RBM6: variants seen among roughly 807,000 people sequenced by gnomAD.
The protein encoded by RBM6 is RNA-binding protein 6.
RBM6 carries 23 observed loss-of-function variants against 140.4 expected under a neutral mutation model. The ratio of observed to expected loss-of-function variants is 0.16; its 90% CI spans 0.12 to 0.23. RBM6 has a LOEUF of 0.23. RBM6 is among the 10% of genes least tolerant of loss of function. RBM6 has a pLI of 1.00. For synonymous variants in RBM6, 439 were observed against 475.6 expected (o/e 0.92, Z 1.00); for missense variants, 1,139 against 1,386.7 (o/e 0.82, Z 2.84).
intron 5 of RBM6, among the ~76,000 whole-genome samples, chr3:49,989,234 C>T (rs1253037537): frequency 6.6e-6 from 1 of 152,142 alleles, no homozygotes; most frequent in East Asian, 1.9e-4. Flanking sequence ...GTACTCCATG[C>T]TACAGAAGTT....
At chr3:50,040,154 T>C (rs1575777862) in intron 6 of RBM6, among the ~76,000 whole-genome samples, 3 of 152,148 alleles carry the variant, frequency 2.0e-5, no homozygotes, top group East Asian at 1.9e-4. Context: ...CTTTAAAATA[T>C]TTAAGTTCTC....
rs762803109 is a variant in RBM6 at position 50,066,250 on chromosome 3, G to A, written c.2691G>A (p.Val897=). 1 of 1,613,638 alleles carries A rather than the reference G, an allele frequency of 6.2e-7. No individual in the cohort carries two copies. Among genetic ancestry groups the A allele is most frequent in the East Asian group, 2.2e-5 (1 of 44,880 alleles). The change falls in exon 17 of 21, where the codon GTG becomes GTA. Residue 897 remains valine (V), a synonymous_variant. Coordinates refer to ENST00000266022, the MANE Select transcript of RBM6 (RefSeq NM_005777.3). The part of the protein sequence containing the change: ...KKEESPPPPK[V]VNPLIGLLGE... ...TGGCCTTCTCCTTCCAGCCTAAAGT[G>A]GTAAACCCACTGATCGGCCTCTTGG...
At chr3:50,063,361 C>T (rs1217245336) in intron 15 of RBM6, among the ~76,000 whole-genome samples, 1 of 152,020 alleles carries the variant, frequency 6.6e-6, no homozygotes, top group African/African-American at 2.4e-5. Flanking sequence ...AATCCCAGCA[C>T]GTTGGGAGGC....
intron 5 of RBM6, among the ~76,000 whole-genome samples, chr3:49,999,182 C>T (rs574565622): frequency 2.6e-4 from 39 of 152,200 alleles, no homozygotes; most frequent in Admixed American, 9.8e-4. Flanking sequence ...ACCAGATCAC[C>T]AGTGCTAAAG....
intron 1 of RBM6, among the ~76,000 whole-genome samples, chr3:49,944,801 T>A (rs62262100): frequency 0.07 from 10,620 of 151,324 alleles, 389 homozygotes; most frequent in Non-Finnish European, 0.077. Context: ...TTACTTTCAT[T>A]TCTTTTGGGA....
chr3:49,969,129 A>G (rs1196969422), intron 3 of RBM6, among the ~76,000 whole-genome samples: 4 of 151,162 alleles, frequency 2.6e-5, no homozygotes, highest in Non-Finnish European at 4.4e-5. Context: ...GGGTCAAGCA[A>G]TTTTCCTGCC....
intron 4 of RBM6, among the ~76,000 whole-genome samples, chr3:49,975,109 G>A (rs1266003507): frequency 6.6e-6 from 1 of 152,080 alleles, no homozygotes; most frequent in Non-Finnish European, 1.5e-5. Context: ...AAAGTGCTGG[G>A]ATTATAGGCA....
At chr3:50,020,173 C>T (rs1314738651) in intron 6 of RBM6, among the ~76,000 whole-genome samples, 2 of 152,134 alleles carry the variant, frequency 1.3e-5, no homozygotes, top group Non-Finnish European at 2.9e-5. Flanking sequence ...GCAGTCTTCA[C>T]CTTGGCCTCC....
At chr3:50,012,482 C>T (rs1476083092) in intron 6 of RBM6, among the ~76,000 whole-genome samples, 1 of 151,898 alleles carries the variant, frequency 6.6e-6, no homozygotes, top group Non-Finnish European at 1.5e-5. Context: ...CTCAGCCTCC[C>T]GAGTAGCTGG....
chr3:50,040,224 C>A (rs1280872002), intron 6 of RBM6, among the ~76,000 whole-genome samples: 8 of 151,858 alleles, frequency 5.3e-5, no homozygotes, highest in Non-Finnish European at 8.8e-5. Context: ...AGGTGGGCAG[C>A]TCACGAGGTC....
chr3:50,069,289 G>C (rs558598707), intron 18 of RBM6, among the ~76,000 whole-genome samples: 10 of 152,074 alleles, frequency 6.6e-5, no homozygotes, highest in African/African-American at 2.2e-4. Context: ...GAGACGGGCG[G>C]ATCACTTGAG....
At chr3:49,974,513 A>G (rs1180510538) in intron 4 of RBM6, among the ~76,000 whole-genome samples, 1 of 151,126 alleles carries the variant, frequency 6.6e-6, no homozygotes, top group Non-Finnish European at 1.5e-5. Flanking sequence ...CTGGGACTAC[A>G]GGTGCCCGCC....
At chr3:50,002,215 G>A (rs1196309988) in intron 6 of RBM6, among the ~76,000 whole-genome samples, 1 of 151,478 alleles carries the variant, frequency 6.6e-6, no homozygotes, top group African/African-American at 2.4e-5. Flanking sequence ...AGCCTCCCAG[G>A]TAGCTGGGAC....
intron 6 of RBM6, among the ~76,000 whole-genome samples, chr3:50,033,550 G>A (rs2088310076): frequency 6.6e-6 from 1 of 152,182 alleles, no homozygotes; most frequent in South Asian, 2.1e-4. Flanking sequence ...ACTGATGTAA[G>A]TATATGAAGT....
At chr3:50,032,949 CACTCCA>C (rs1159015844) in intron 6 of RBM6, among the ~76,000 whole-genome samples, 1 of 151,516 alleles carries the variant, frequency 6.6e-6, no homozygotes, top group Non-Finnish European at 1.5e-5. Context: ...CGTGCCATTG[CACTCCA>C]ACCTGGGCAA....
At chr3:50,042,448 T>G (rs1189498308) in intron 6 of RBM6, among the ~76,000 whole-genome samples, 1 of 152,146 alleles carries the variant, frequency 6.6e-6, no homozygotes, top group Non-Finnish European at 1.5e-5. Context: ...TAAGAATCCT[T>G]GAGGCTGGGC....
intron 6 of RBM6, among the ~76,000 whole-genome samples, chr3:50,011,545 A>C (rs1407475802): frequency 6.6e-6 from 1 of 152,186 alleles, no homozygotes; most frequent in East Asian, 1.9e-4. Flanking sequence ...ATTGCTAATC[A>C]AAGCTCAAAG....
chr3:49,992,083 C>T (rs768318481), intron 5 of RBM6, among the ~76,000 whole-genome samples: 16 of 152,174 alleles, frequency 1.1e-4, no homozygotes, highest in Non-Finnish European at 1.5e-4. Flanking sequence ...TCCCAAGTAG[C>T]TGAGATTACA....
At chr3:50,033,985 T>C (rs749566500) in intron 6 of RBM6, among the ~76,000 whole-genome samples, 16 of 152,010 alleles carry the variant, frequency 1.1e-4, no homozygotes, top group Admixed American at 9.8e-4. Flanking sequence ...TTATTATACA[T>C]AAACATACAA....
Sources: gnomAD v4.1 joint callset for allele counts (sites outside exome capture counted in the v4.1 genomes callset) on GRCh38, gnomAD v4.1.1 for gene constraint, MANE v1.5 for transcripts, NCBI Gene and HGNC (gene_info 2026-07-23, HGNC 2026-07-21) for gene names.